SLC29A1: variants seen among roughly 807,000 people sequenced by gnomAD.
The protein encoded by SLC29A1 is solute carrier family 29 member 1 (Augustine blood group).
In SLC29A1, 22 loss-of-function variants were observed where a neutral mutation model predicts 48.3. The observed-to-expected ratio is 0.46, with a 90% confidence interval of 0.33 to 0.65. The LOEUF is 0.65. Among genes scored for constraint, SLC29A1 ranks in the 30% least tolerant of loss-of-function variants. The pLI, the probability that SLC29A1 is intolerant of heterozygous loss-of-function variation, is 0.03. For missense variants in SLC29A1, 491 were observed against 575.3 expected, an observed-to-expected ratio of 0.85 and a Z score of 1.50; for synonymous variants, 228 against 231.0, an observed-to-expected ratio of 0.99 and a Z score of 0.12.
chr6:44,227,048 T>C, intron 1 of SLC29A1: 11 of 1,343,354 alleles, frequency 8.2e-6, no homozygotes, highest in Non-Finnish European at 1.1e-5. Context: ...AGGTAGAGTC[T>C]GAGCAGGCAG....
chr6:44,229,691 G>A lies in SLC29A1; in HGVS notation c.214G>A (p.Glu72Lys). ...ASAAPAAPLP[E>K]RNSLSAIFNN... The stretch of plus-strand genomic sequence containing the variant: ...AGCCGCCCCTGCAGCACCCTTGCCT[G>A]AGCGGAACTCTCTCAGTGCCATCTT... Residue 72 changes from glutamate to lysine, a missense_variant, in exon 4 of 13, where the codon GAG (glutamate) becomes AAG (lysine). Glu to Lys is a moderately conservative substitution (Grantham distance 56). Coordinates refer to ENST00000371755, the MANE Select transcript of SLC29A1 (RefSeq NM_001372327.1). The surrounding 1 kb of genome is among the most constrained non-coding windows in gnomAD (Gnocchi z 5.1). The A allele has an allele frequency of 1.2e-6, 2 of 1,614,084 alleles. No homozygotes were observed. The highest frequency in any genetic ancestry group is 1.7e-6 in the Non-Finnish European group (2 of 1,180,036).
At position 44,223,968 on chromosome 6, in the gene SLC29A1, G is replaced by C; in HGVS notation, c.-52+327G>C. 7 of 985,428 alleles carry C rather than the reference G, an allele frequency of 7.1e-6. No individual in the cohort carries two copies. Among genetic ancestry groups the C allele is most frequent in the Non-Finnish European group, 8.4e-6 (7 of 829,974 alleles). 61.0% of individuals were successfully genotyped at this position (985,428 alleles called of 1,614,324 possible). A position where few individuals can be genotyped will look rare whatever the true frequency, so the allele number is the denominator to read the frequency against. ...CCCCATCGATCTGGTCGGTATCAGG[G>C]AGGGGCCGTGCCGCTGACTGCGCTG... is the stretch of plus-strand genomic sequence containing the variant. On this transcript the variant is annotated intron_variant, in intron 1 of 12. Transcript: ENST00000371755. The surrounding 1 kb of genome is among the most constrained non-coding windows in gnomAD (Gnocchi z 5.0).
chr6:44,224,360 G>C (rs1777026526), intron 1 of SLC29A1, among the ~76,000 whole-genome samples: 1 of 151,676 alleles, frequency 6.6e-6, no homozygotes, highest in African/African-American at 2.4e-5. Flanking sequence ...CCCCATGCCA[G>C]GATGTGTGTG....
upstream of SLC29A1, chr6:44,223,512 C>CGG: frequency 1.1e-6 from 1 of 944,346 alleles, no homozygotes; most frequent in Non-Finnish European, 1.3e-6. The surrounding 1 kb of genome is among the most constrained non-coding windows in gnomAD (Gnocchi z 5.0). Flanking sequence ...CCGCGGGCGT[C>CGG]GGGGAGGTGG....
Position 44,230,824 on chromosome 6 carries a change from A to G in SLC29A1, c.701A>G (p.Tyr234Cys). The change falls in exon 8 of 13, where the codon TAC (tyrosine) becomes TGC (cysteine). Residue 234 changes from tyrosine to cysteine, a missense_variant. Tyr to Cys is a radical substitution (Grantham distance 194, BLOSUM62 -2). Coordinates refer to ENST00000371755, the MANE Select transcript of SLC29A1 (RefSeq NM_001372327.1). Reference sequence around the variant, plus strand: ...CTTACTTGATAGGAATTCTACCGCTACTACCAGCAGCTCAAGCTTGAAGGA... The same window carrying G: ...CTTACTTGATAGGAATTCTACCGCTGCTACCAGCAGCTCAAGCTTGAAGGA... ...LGLPRLEFYRYYQQLKLEGPG... is the reference protein window; with the variant it reads ...LGLPRLEFYRCYQQLKLEGPG... The G allele has an allele frequency of 6.2e-7, 1 of 1,613,840 alleles. No individual in the cohort carries two copies. Among genetic ancestry groups the G allele is most frequent in the Non-Finnish European group, 8.5e-7 (1 of 1,179,766 alleles).
chr6:44,225,908 T>TA (rs1434497554), intron 1 of SLC29A1: 1 of 152,902 alleles, frequency 6.5e-6, no homozygotes. Flanking sequence ...CCTGTTCTCT[T>TA]ATCTCCCGAG....
At position 44,232,052 on chromosome 6, in the gene SLC29A1, T is replaced by C; in HGVS notation, c.919T>C (p.Phe307Leu). The C allele has an allele frequency of 2.5e-6, 4 of 1,614,126 alleles. No individual in the cohort carries two copies. The highest frequency in any genetic ancestry group is 3.4e-6 in the Non-Finnish European group (4 of 1,179,976). The change falls in exon 10 of 13, where the codon TTT (phenylalanine) becomes CTT (leucine). Residue 307 changes from phenylalanine (F) to leucine (L), a missense_variant. Physicochemically the swap from Phe to Leu is conservative, Grantham distance 22. Transcript: ENST00000371755. The surrounding 1 kb of genome is among the most constrained non-coding windows in gnomAD (Gnocchi z 4.7). Reference sequence around the variant, plus strand: ...CATCTTCACTATCACCATTGGGATGTTTCCAGCCGTGACTGTTGAGGTCAA... The same window carrying C: ...CATCTTCACTATCACCATTGGGATGCTTCCAGCCGTGACTGTTGAGGTCAA... ...CFIFTITIGM[F>L]PAVTVEVKSS...
chr6:44,231,513 C>T (rs756520058), intron 9 of SLC29A1, 52 bp downstream of exon 9: 2 of 1,144,596 alleles, frequency 1.7e-6, no homozygotes, highest in South Asian at 1.3e-5. Flanking sequence ...TTTCTCTCCT[C>T]CTTTTGCTCC....
Position 44,223,660 on chromosome 6 carries a change from G to A in SLC29A1, c.-52+19G>A, listed in dbSNP as rs1776767442. 2.6e-6 allele frequency: 3 copies of A among 1,171,958 alleles called. No homozygotes were observed. Among genetic ancestry groups the A allele is most frequent in the African/African-American group, 1.7e-5 (1 of 60,262 alleles). 72.6% of individuals were successfully genotyped at this position (1,171,958 alleles called of 1,614,324 possible). ...GCGGCAGGTGCTGCCCGGGGCCGGG[G>A]ACTGGGGACTGGGGACTGCCGGGGC... On this transcript the variant is annotated intron_variant, in intron 1 of 12. Coordinates refer to ENST00000371755, the MANE Select transcript of SLC29A1 (RefSeq NM_001372327.1). The surrounding 1 kb of genome is among the most constrained non-coding windows in gnomAD (Gnocchi z 5.0).
intron 8 of SLC29A1, among the ~76,000 whole-genome samples, 169 bp downstream of exon 8, chr6:44,231,058 A>T (rs1020936579): frequency 6.6e-6 from 1 of 152,178 alleles, no homozygotes; most frequent in Non-Finnish European, 1.5e-5. Flanking sequence ...AGGGCCGGCA[A>T]TGATAAAATG....
rs1189958610 is a variant in SLC29A1 at position 44,233,597 on chromosome 6, G to A, written c.*69G>A. 1.6e-6 allele frequency: 2 copies of A among 1,249,698 alleles called. No homozygotes were observed. The highest frequency in any genetic ancestry group is 2.3e-5 in the East Asian group (1 of 42,948). 77.4% of individuals were successfully genotyped at this position (1,249,698 alleles called of 1,614,324 possible). On this transcript the variant is annotated 3_prime_UTR_variant, in exon 13 of 13. Transcript: ENST00000371755. ...CTCCTGCCCCTTCCTTCTGCCAGGGGTGATCCTGAGTGGTCTGGCGGTTTT... is the reference window on the plus strand; with the variant it reads ...CTCCTGCCCCTTCCTTCTGCCAGGGATGATCCTGAGTGGTCTGGCGGTTTT...
chr6:44,228,461 G>A (rs1419584223), intron 2 of SLC29A1, among the ~76,000 whole-genome samples: 2 of 152,248 alleles, frequency 1.3e-5, no homozygotes, highest in Admixed American at 1.3e-4. Flanking sequence ...CACGTGGTGT[G>A]CTCACCACGC....
upstream of SLC29A1, among the ~76,000 whole-genome samples, chr6:44,220,453 GGATGACAGAT>G (rs1402991032): frequency 1.5e-4 from 22 of 151,338 alleles, no homozygotes; most frequent in African/African-American, 5.1e-4. Flanking sequence ...CAAAGTGCTG[GGATGACAGAT>G]GTGAGCCACT....
intron 2 of SLC29A1, among the ~76,000 whole-genome samples, chr6:44,227,910 A>G (rs1416806534): frequency 6.6e-6 from 1 of 152,218 alleles, no homozygotes; most frequent in Non-Finnish European, 1.5e-5. Context: ...GCTCCTTCAA[A>G]GCGTCAGGCT....
Position 44,229,689 on chromosome 6 carries a change from C to T in SLC29A1, c.212C>T (p.Pro71Leu). The T allele has an allele frequency of 6.2e-7, 1 of 1,614,070 alleles. No individual in the cohort carries two copies. The highest frequency in any genetic ancestry group is 2.2e-5 in the East Asian group (1 of 44,882). Residue 71 changes from proline (P) to leucine (L), a missense_variant, in exon 4 of 13, where the codon CCT (proline) becomes CTT (leucine). By Grantham distance (98) the Pro-to-Leu change is moderately conservative. Transcript: ENST00000371755. The surrounding 1 kb of genome is among the most constrained non-coding windows in gnomAD (Gnocchi z 5.1). Reference protein sequence around the residue: ...QASAAPAAPLPERNSLSAIFN... With the variant: ...QASAAPAAPLLERNSLSAIFN... ...TCAGCCGCCCCTGCAGCACCCTTGC[C>T]TGAGCGGAACTCTCTCAGTGCCATC...
At position 44,229,831 on chromosome 6, in the gene SLC29A1, CA is replaced by C; in HGVS notation, c.314+41del. 6.2e-7 allele frequency: 1 copy of C among 1,607,750 alleles called. No individual in the cohort carries two copies. The highest frequency in any genetic ancestry group is 8.5e-7 in the Non-Finnish European group (1 of 1,175,956). On this transcript the variant is annotated intron_variant, in intron 4 of 12. Transcript: ENST00000371755. The surrounding 1 kb of genome is among the most constrained non-coding windows in gnomAD (Gnocchi z 5.1). ...CCTCCCCAGCCCCCAGCCTGACCCTCACTGTGTCCTGCACCCCCTTGGCTGA... is the reference window on the plus strand; with the variant it reads ...CCTCCCCAGCCCCCAGCCTGACCCTCCTGTGTCCTGCACCCCCTTGGCTGA...
In SLC29A1 at chr6:44,229,208, G is replaced by A. The variant is rs1778270440; in HGVS notation, c.30-182G>A. ...CCCCATCCCCACCCCAAATTCCAAC[G>A]AGCAATGTACCCTTTTCTCCCCCCA... On this transcript the variant is annotated intron_variant, in intron 2 of 12. Transcript: ENST00000371755. The surrounding 1 kb of genome is among the most constrained non-coding windows in gnomAD (Gnocchi z 5.1). 6.6e-6 allele frequency among the ~76,000 whole-genome samples: 1 copy of A among 151,836 alleles called. No individual in the cohort carries two copies. The highest frequency in any genetic ancestry group is 2.4e-5 in the African/African-American group (1 of 41,352).
At chr6:44,221,725 G>A, upstream of SLC29A1, 2 of 1,087,824 alleles carry the variant, frequency 1.8e-6, no homozygotes, top group South Asian at 1.3e-5. The surrounding 1 kb of genome is among the most constrained non-coding windows in gnomAD (Gnocchi z 4.2). Context: ...GGGGGCCCTG[G>A]CACCCAGCAA....
At chr6:44,230,119 G>T in intron 5 of SLC29A1, 73 bp downstream of exon 5, 1 of 1,581,088 alleles carries the variant, frequency 6.3e-7, no homozygotes, top group Non-Finnish European at 8.6e-7. Flanking sequence ...CAGACCCAGC[G>T]TTAGCCAGAG....
Sources: allele counts gnomAD v4.1 joint callset (sites outside exome capture counted in the v4.1 genomes callset), GRCh38; gene constraint gnomAD v4.1.1; non-coding constraint Gnocchi (gnomAD v3.1); transcripts MANE v1.5; gene names NCBI Gene and HGNC (gene_info 2026-07-23, HGNC 2026-07-21).